GREM2: variants seen among roughly 807,000 people sequenced by gnomAD.
GREM2 encodes gremlin-2.
A neutral mutation model predicts 14.2 loss-of-function variants in GREM2; 11 were observed. The ratio of observed to expected loss-of-function variants is 0.78; its 90% CI spans 0.49 to 1.28. The LOEUF (loss-of-function observed/expected upper bound fraction) is 1.28. Ranked by LOEUF, GREM2 falls within the 50% of genes most tolerant of loss-of-function variation. The probability of loss-of-function intolerance (pLI) is 0.00; values close to 1 mark genes in which losing one functional copy is unlikely to be tolerated. For missense variants in GREM2, 210 were observed against 218.5 expected (o/e 0.96, Z 0.24); for synonymous variants, 98 against 97.6 (o/e 1.00, Z -0.02).
intron 1 of GREM2, among the ~76,000 whole-genome samples, chr1:240,506,245 G>A (rs1384628613): frequency 6.6e-6 from 1 of 152,130 alleles, no homozygotes; most frequent in Non-Finnish European, 1.5e-5. Context: ...TATAAAGAAA[G>A]ACCTCAGGCT....
chr1:240,514,526 C>T (rs761282886), intron 1 of GREM2, among the ~76,000 whole-genome samples: 1 of 152,088 alleles, frequency 6.6e-6, no homozygotes, highest in Non-Finnish European at 1.5e-5. Context: ...TACGGATGAA[C>T]ATATTTAAAC....
intron 1 of GREM2, chr1:240,588,665 G>A (rs1191536793): frequency 6.6e-6 from 1 of 152,192 alleles, no homozygotes; most frequent in Admixed American, 6.5e-5. Flanking sequence ...ACCTATGTTT[G>A]TTGACCAGAC....
chr1:240,521,879 A>T (rs887413618), intron 1 of GREM2, among the ~76,000 whole-genome samples: 7 of 152,068 alleles, frequency 4.6e-5, no homozygotes, highest in Admixed American at 4.6e-4. Context: ...TGGAAGGCCG[A>T]GGTGGGCAGA....
intron 1 of GREM2, among the ~76,000 whole-genome samples, chr1:240,551,260 C>G (rs1333745347): frequency 6.6e-6 from 1 of 152,138 alleles, no homozygotes; most frequent in Non-Finnish European, 1.5e-5. Context: ...GCCCTGACAT[C>G]TGAAAACAAA....
intron 1 of GREM2, among the ~76,000 whole-genome samples, chr1:240,512,830 T>C (rs1026321613): frequency 6.6e-6 from 1 of 152,172 alleles, no homozygotes. Context: ...AGAAATTTAA[T>C]ATCCTCTATA....
chr1:240,501,386 T>A (rs1300318449), intron 1 of GREM2, among the ~76,000 whole-genome samples: 1 of 152,184 alleles, frequency 6.6e-6, no homozygotes, highest in Non-Finnish European at 1.5e-5. Context: ...AAGCTTAATT[T>A]CATCTGGAAA....
rs964112008 is a variant in GREM2, at chr1:240,492,827, C to A, written c.*142G>T. ...CGATCCACGTCTGTGACAAGGACAC[C>A]GTCAGCCCTAAGAGAAGTGCTTGCT... On this transcript the variant is annotated 3_prime_UTR_variant, in exon 2 of 2. Transcript: ENST00000318160. 4.8e-6 allele frequency: 4 copies of A among 824,774 alleles called. No individual in the cohort carries two copies. Among genetic ancestry groups the A allele is most frequent in the African/African-American group, 1.8e-5 (1 of 55,644 alleles). 51.1% of individuals were successfully genotyped at this position (824,774 alleles called of 1,614,324 possible).
At chr1:240,599,642 G>A (rs1434283324) in intron 1 of GREM2, among the ~76,000 whole-genome samples, 1 of 152,186 alleles carries the variant, frequency 6.6e-6, no homozygotes, top group Admixed American at 6.5e-5. Context: ...AAAAACCTTC[G>A]CAGAGAAGAC....
chr1:240,536,309 G>C (rs1355551082), intron 1 of GREM2, among the ~76,000 whole-genome samples: 3 of 152,194 alleles, frequency 2.0e-5, no homozygotes, highest in African/African-American at 7.2e-5. Context: ...AACAAATCCT[G>C]AAGTAAGGTC....
intron 1 of GREM2, among the ~76,000 whole-genome samples, chr1:240,522,616 C>A (rs1678126273): frequency 6.6e-6 from 1 of 152,066 alleles, no homozygotes; most frequent in Admixed American, 6.6e-5. Context: ...TGCCCTTGCC[C>A]CTGAGAAAAC....
chr1:240,575,061 C>T (rs548217224), intron 1 of GREM2, among the ~76,000 whole-genome samples: 6 of 151,750 alleles, frequency 4.0e-5, no homozygotes, highest in East Asian at 3.9e-4. Context: ...GAGCCAAGAT[C>T]GCACCACTGC....
intron 1 of GREM2, among the ~76,000 whole-genome samples, chr1:240,604,306 CGTATGTGTGTGT>C (rs1679985348): frequency 8.5e-6 from 1 of 117,312 alleles, no homozygotes; most frequent in Non-Finnish European, 1.7e-5. Flanking sequence ...TATAACTATA[CGTATGTGTGTGT>C]GTGTGTGTGT....
At chr1:240,607,146 T>C (rs1321473613) in intron 1 of GREM2, among the ~76,000 whole-genome samples, 1 of 152,138 alleles carries the variant, frequency 6.6e-6, no homozygotes. Context: ...AACTAACAAC[T>C]GTCAGCCATT....
At chr1:240,498,175 C>T (rs1346779368) in intron 1 of GREM2, among the ~76,000 whole-genome samples, 2 of 152,126 alleles carry the variant, frequency 1.3e-5, no homozygotes, top group Non-Finnish European at 2.9e-5. Flanking sequence ...TGGTGCTGGG[C>T]ATTCTTTGAA....
intron 1 of GREM2, among the ~76,000 whole-genome samples, chr1:240,528,430 A>G (rs1165985654): frequency 1.3e-5 from 2 of 152,222 alleles, no homozygotes; most frequent in African/African-American, 4.8e-5. Flanking sequence ...CTCACCAGCC[A>G]GTCACTCATT....
intron 1 of GREM2, among the ~76,000 whole-genome samples, chr1:240,566,052 G>T (rs1679173841): frequency 6.6e-6 from 1 of 151,922 alleles, no homozygotes; most frequent in South Asian, 2.1e-4. Flanking sequence ...GAGCTTTTGT[G>T]TTTTTCTTTG....
chr1:240,609,939 G>A (rs1680101396), intron 1 of GREM2, among the ~76,000 whole-genome samples: 1 of 151,994 alleles, frequency 6.6e-6, no homozygotes, highest in Non-Finnish European at 1.5e-5. Context: ...AAGATTCATA[G>A]AGAATGAACT....
In GREM2 at chr1:240,492,245, T is replaced by C. The variant is rs913431319; in HGVS notation, c.*724A>G. The C allele has an allele frequency of 2.2e-6, 1 of 452,878 alleles. No individual in the cohort carries two copies. Among genetic ancestry groups the C allele is most frequent in the African/African-American group, 2.0e-5 (1 of 49,968 alleles). 28.1% of individuals were successfully genotyped at this position (452,878 alleles called of 1,614,324 possible). On this transcript the variant is annotated 3_prime_UTR_variant, in exon 2 of 2. Transcript: ENST00000318160. ...CATGCACACCAGAGTTCATCTTTAG[T>C]CCACAAATAGGGGGCGGGGACAGTG...
intron 1 of GREM2, among the ~76,000 whole-genome samples, chr1:240,607,966 T>C (rs531650841): frequency 6.6e-6 from 1 of 152,372 alleles, no homozygotes; most frequent in South Asian, 2.1e-4. Context: ...GAAAATATAA[T>C]GTAAAGGACT....
Sources: allele counts gnomAD v4.1 joint callset (sites outside exome capture counted in the v4.1 genomes callset), GRCh38; gene constraint gnomAD v4.1.1; transcripts MANE v1.5; gene names NCBI Gene and HGNC (gene_info 2026-07-23, HGNC 2026-07-21).